The following BPIFB3 variants were observed in gnomAD, a reference collection of about 807,000 sequenced individuals.
BPIFB3 encodes the protein BPI fold-containing family B member 3.
BPIFB3 carries 49 observed loss-of-function variants against 53.1 expected under a neutral mutation model. The ratio of observed to expected loss-of-function variants is 0.92; its 90% CI spans 0.73 to 1.17. The LOEUF (loss-of-function observed/expected upper bound fraction) is 1.17, where lower values mean the gene tolerates loss of function less well. Among genes scored for constraint, BPIFB3 ranks in the 50% most tolerant of loss-of-function variants. The pLI, the probability that BPIFB3 is intolerant of heterozygous loss-of-function variation, is 0.00. For synonymous variants in BPIFB3, 271 were observed against 269.6 expected, an observed-to-expected ratio of 1.01 and a Z score of -0.05; for missense variants, 628 against 592.5, an observed-to-expected ratio of 1.06 and a Z score of -0.62.
chr20:33,063,175 T>C (rs1980523035), intron 5 of BPIFB3, among the ~76,000 whole-genome samples: 1 of 152,172 alleles, frequency 6.6e-6, no homozygotes, highest in Non-Finnish European at 1.5e-5. Context: ...GGCCTGACTC[T>C]CTGGGTGGAG....
rs550983691 is a variant in BPIFB3, at chr20:33,061,781, C to T, written c.541C>T (p.Pro181Ser). 8.1e-6 allele frequency: 13 copies of T among 1,614,228 alleles called. No homozygotes were observed. In the Admixed American group the frequency reaches 1.8e-4, roughly 23 times the overall value. Reference sequence around the variant, plus strand: ...CCCTCTGCTCAGGCTGCTGCCCACACCACTCTTTGGGGTCGTGGAACAGAT... The same window carrying T: ...CCCTCTGCTCAGGCTGCTGCCCACATCACTCTTTGGGGTCGTGGAACAGAT... Residue 181 changes from proline (P) to serine (S), a missense_variant, in exon 5 of 15, where the codon CCA (proline) becomes TCA (serine). Transcript: ENST00000375494.
chr20:33,070,542 C>T (rs1476823466), intron 11 of BPIFB3, among the ~76,000 whole-genome samples: 1 of 152,236 alleles, frequency 6.6e-6, no homozygotes, highest in Non-Finnish European at 1.5e-5. Flanking sequence ...GTCCCTAGAG[C>T]AGGTCTGCAG....
chr20:33,064,532 T>A lies in BPIFB3; in HGVS notation c.728T>A (p.Ile243Lys). The A allele has an allele frequency of 1.2e-6, 2 of 1,613,532 alleles. No homozygotes were observed. Among genetic ancestry groups the A allele is most frequent in the African/African-American group, 2.7e-5 (2 of 74,946 alleles). Residue 243 changes from isoleucine (I) to lysine (K), a missense_variant, in exon 7 of 15, where the codon ATA becomes AAA. Transcript: ENST00000375494. ...TTGCCTCTCATCTCCAACCAGTACATAGAACTGGACATCAACGTGAGTAAC... is the reference window on the plus strand; with the variant it reads ...TTGCCTCTCATCTCCAACCAGTACAAAGAACTGGACATCAACGTGAGTAAC...
At chr20:33,072,037 G>C (rs1003308483) in intron 12 of BPIFB3, 67 bp from the exon 14 acceptor site, 6 of 1,545,412 alleles carry the variant, frequency 3.9e-6, no homozygotes, top group Middle Eastern at 1.8e-4. Flanking sequence ...CCTGGGAACG[G>C]GATGCTGCTG....
At position 33,063,772 on chromosome 20, in the gene BPIFB3, A is replaced by G. The variant is rs1057255765; in HGVS notation, c.652+97A>G. 5 of 1,296,248 alleles carry G rather than the reference A, an allele frequency of 3.9e-6. No individual in the cohort carries two copies. The African/African-American group carries it at 7.5e-5, about 19-fold the overall frequency. 80.3% of individuals were successfully genotyped at this position (1,296,248 alleles called of 1,614,324 possible). A position where few individuals can be genotyped will look rare whatever the true frequency, so the allele number is the denominator to read the frequency against. On this transcript the variant is annotated intron_variant, in intron 6 of 14. Transcript: ENST00000375494. ...ACGAAGGGGAGCCAGAAGCGGCAGGATCTCAGGGTCCTTTAGTTCCTCCTC... is the reference window on the plus strand; with the variant it reads ...ACGAAGGGGAGCCAGAAGCGGCAGGGTCTCAGGGTCCTTTAGTTCCTCCTC...
chr20:33,064,933 C>A, intron 8 of BPIFB3, 88 bp downstream of exon 9: 1 of 1,386,102 alleles, frequency 7.2e-7, no homozygotes, highest in Non-Finnish European at 9.7e-7. Context: ...CCCTGATCAG[C>A]CTTGCTGAGC....
intron 4 of BPIFB3, among the ~76,000 whole-genome samples, chr20:33,060,516 A>T (rs1017191612): frequency 1.3e-5 from 2 of 151,914 alleles, no homozygotes; most frequent in Non-Finnish European, 2.9e-5. Flanking sequence ...TCTTCCCAGG[A>T]TCTGTCCAGG....
At chr20:33,072,728 G>C (rs1247047051) in exon 14 of BPIFB3, 1 of 1,613,160 alleles carries the variant, frequency 6.2e-7, no homozygotes, top group Non-Finnish European at 8.5e-7. Flanking sequence ...GGCCCTGGAT[G>C]TTGGAATTCC....
intron 9 of BPIFB3, among the ~76,000 whole-genome samples, chr20:33,067,693 A>G (rs1039966577): frequency 2.6e-5 from 4 of 152,172 alleles, no homozygotes; most frequent in Admixed American, 6.5e-5. Flanking sequence ...ACATGGGGCA[A>G]GTGGAGTTGG....
chr20:33,066,276 G>A (rs1980668029), intron 8 of BPIFB3, among the ~76,000 whole-genome samples: 1 of 152,180 alleles, frequency 6.6e-6, no homozygotes, highest in South Asian at 2.1e-4. Context: ...CAAGGGGAGG[G>A]GGTGCAGGCT....
chr20:33,053,936 C>T (rs1324732831), upstream of BPIFB3, among the ~76,000 whole-genome samples: 2 of 152,184 alleles, frequency 1.3e-5, no homozygotes, highest in African/African-American at 2.4e-5. Flanking sequence ...GGAGCCCCCA[C>T]CTACCCCTTG....
At chr20:33,056,273 T>C in intron 1 of BPIFB3, among the ~76,000 whole-genome samples, 1 of 152,172 alleles carries the variant, frequency 6.6e-6, no homozygotes, top group Non-Finnish European at 1.5e-5. Flanking sequence ...ACTGGTAAAA[T>C]GAAGGGATTG....
intron 12 of BPIFB3, 68 bp from the exon 14 acceptor site, chr20:33,072,036 G>T: frequency 1.3e-6 from 2 of 1,537,212 alleles, no homozygotes; most frequent in Non-Finnish European, 9.0e-7. Context: ...CCCTGGGAAC[G>T]GGATGCTGCT....
chr20:33,070,337 T>C (rs1457850700), intron 11 of BPIFB3, among the ~76,000 whole-genome samples: 1 of 152,230 alleles, frequency 6.6e-6, no homozygotes, highest in African/African-American at 2.4e-5. Context: ...ACTTGTTACT[T>C]GTTACTTCTC....
chr20:33,056,305 T>C (rs560406155), intron 1 of BPIFB3, among the ~76,000 whole-genome samples: 1 of 152,264 alleles, frequency 6.6e-6, no homozygotes, highest in South Asian at 2.1e-4. Context: ...GCTCATTCAT[T>C]CTCCAAACAC....
chr20:33,056,515 A>G, intron 1 of BPIFB3, 27 bp from the exon 3 acceptor site: 1 of 1,612,914 alleles, frequency 6.2e-7, no homozygotes, highest in Non-Finnish European at 8.5e-7. Context: ...AGTTTCTAGT[A>G]CCTTCCTACT....
At chr20:33,068,436 C>T (rs1842881904) in intron 9 of BPIFB3, among the ~76,000 whole-genome samples, 1 of 152,180 alleles carries the variant, frequency 6.6e-6, no homozygotes, top group Admixed American at 6.5e-5. Context: ...CTGCTGGGAG[C>T]ATCCCTGGCA....
chr20:33,070,094 C>A, intron 11 of BPIFB3, 139 bp downstream of exon 12: 1 of 919,196 alleles, frequency 1.1e-6, no homozygotes, highest in South Asian at 1.4e-5. Flanking sequence ...CCTTCAGGAC[C>A]CGCCAGGGAG....
chr20:33,071,174 C>T, intron 11 of BPIFB3, 79 bp from the exon 13 acceptor site: 4 of 1,142,668 alleles, frequency 3.5e-6, no homozygotes, highest in East Asian at 9.6e-5. Context: ...ATGATGAGAG[C>T]TATGGTGGGG....
Sources: gnomAD v4.1 joint callset for allele counts (sites outside exome capture counted in the v4.1 genomes callset) on GRCh38, gnomAD v4.1.1 for gene constraint, MANE v1.5 for transcripts, NCBI Gene and HGNC (gene_info 2026-07-23, HGNC 2026-07-21) for gene names.